ITGAM: variants seen among roughly 807,000 people sequenced by gnomAD.
The protein encoded by ITGAM is integrin subunit alpha M, also known as integrin alpha-M.
A neutral mutation model predicts 137.5 loss-of-function variants in ITGAM; 79 were observed. The ratio of observed to expected loss-of-function variants is 0.57; its 90% CI spans 0.48 to 0.69. The LOEUF is 0.69. Among genes scored for constraint, ITGAM ranks in the 30% least tolerant of loss-of-function variants. ITGAM has a pLI of 0.00. For missense variants in ITGAM, 1,343 were observed against 1,483.5 expected (o/e 0.91, Z 1.56); for synonymous variants, 583 against 592.3 (o/e 0.98, Z 0.23).
chr16:31,298,051 T>A, intron 14 of ITGAM, 97 bp downstream of exon 14: 1 of 1,004,010 alleles, frequency 1.0e-6, no homozygotes, highest in Non-Finnish European at 1.5e-6. Flanking sequence ...GTTCTCACAG[T>A]ACTCCTTTCA....
At chr16:31,328,045 A>G (rs760631203) in intron 22 of ITGAM, 102 bp from the exon 23 acceptor site, 7 of 888,866 alleles carry the variant, frequency 7.9e-6, no homozygotes, top group Non-Finnish European at 1.3e-5. Context: ...CAGAGATAAC[A>G]GAACTTGGTG....
At chr16:31,302,450 TC>T (rs2080212120) in intron 14 of ITGAM, among the ~76,000 whole-genome samples, 2 of 119,484 alleles carry the variant, frequency 1.7e-5, no homozygotes, top group South Asian at 2.6e-4. Flanking sequence ...TTTCTTTCTT[TC>T]TTCCTTCCTT....
chr16:31,265,436 A>G lies in ITGAM; in HGVS notation c.176A>G (p.Gln59Arg). The G allele has an allele frequency of 6.2e-7, 1 of 1,607,410 alleles. No individual in the cohort carries two copies. The highest frequency in any genetic ancestry group is 8.5e-7 in the Non-Finnish European group (1 of 1,177,428). ...GAPQEIVAANQRGSLYQCDYS... is the reference protein window; with the variant it reads ...GAPQEIVAANRRGSLYQCDYS... ...CCCCAGGAGATAGTGGCTGCCAACC[A>G]AAGGGGCAGCCTCTACCAGTGCGAC... Residue 59 changes from glutamine (Q) to arginine (R), a missense_variant, in exon 3 of 30, where the codon CAA (glutamine) becomes CGA (arginine). Gln to Arg is a conservative substitution (Grantham distance 43). Transcript: ENST00000544665.
chr16:31,301,589 C>T (rs1028130162), intron 14 of ITGAM, among the ~76,000 whole-genome samples: 38 of 152,080 alleles, frequency 2.5e-4, no homozygotes, highest in African/African-American at 8.2e-4. Flanking sequence ...CTTATAAAAG[C>T]AAGGCTTATT....
chr16:31,297,769 G>T lies in ITGAM; in HGVS notation c.1522G>T (p.Val508Phe). 1 of 1,600,868 alleles carries T rather than the reference G, an allele frequency of 6.2e-7. No homozygotes were observed. Among genetic ancestry groups the T allele is most frequent in the African/African-American group, 1.3e-5 (1 of 74,246 alleles). The change falls in exon 14 of 30, where the codon GTT (valine) becomes TTT (phenylalanine). Residue 508 changes from valine (V) to phenylalanine (F), a missense_variant. Coordinates refer to ENST00000544665, the MANE Select transcript of ITGAM (RefSeq NM_000632.4). ...GAGGGCTCGGTGGCAGTGTGATGCT[G>T]TTCTCTACGGGGAGCAGGGCCAACC... ...RGRARWQCDA[V>F]LYGEQGQPWG... is the part of the protein sequence containing the mutation.
chr16:31,305,193 T>C (rs917971778), intron 14 of ITGAM, among the ~76,000 whole-genome samples: 3 of 152,160 alleles, frequency 2.0e-5, no homozygotes, highest in African/African-American at 4.8e-5. Context: ...ACTATATTCC[T>C]AGGCATTTTA....
In ITGAM at chr16:31,329,268, G is replaced by A. The variant is rs2080549604; in HGVS notation, c.2833G>A (p.Glu945Lys). Residue 945 changes from glutamate to lysine, a missense_variant, in exon 24 of 30, where the codon GAG (glutamate) becomes AAG (lysine). By Grantham distance (56) the Glu-to-Lys change is moderately conservative. Transcript: ENST00000544665. Reference sequence around the variant, plus strand: ...TAAATATCTCAACTTCACGGCCTCAGAGAATACCAGTCGGGTCATGCAGCA... The same window carrying A: ...TAAATATCTCAACTTCACGGCCTCAAAGAATACCAGTCGGGTCATGCAGCA... Reference protein sequence around the residue: ...STKYLNFTASENTSRVMQHQY... With the variant: ...STKYLNFTASKNTSRVMQHQY... 6.2e-7 allele frequency: 1 copy of A among 1,613,194 alleles called. No homozygotes were observed. Among genetic ancestry groups the A allele is most frequent in the Admixed American group, 1.7e-5 (1 of 59,940 alleles).
At chr16:31,305,369 C>T (rs1239676818) in intron 14 of ITGAM, among the ~76,000 whole-genome samples, 1 of 152,064 alleles carries the variant, frequency 6.6e-6, no homozygotes, top group Non-Finnish European at 1.5e-5. Flanking sequence ...GAGCCTTTAG[C>T]ATTTTCTAGG....
intron 14 of ITGAM, among the ~76,000 whole-genome samples, chr16:31,313,149 C>T (rs577783875): frequency 2.0e-5 from 3 of 151,924 alleles, no homozygotes; most frequent in South Asian, 2.1e-4. Context: ...ACCCAGGAGG[C>T]GGAGGTTGCA....
At chr16:31,308,345 C>A (rs2080287081) in intron 14 of ITGAM, among the ~76,000 whole-genome samples, 1 of 152,108 alleles carries the variant, frequency 6.6e-6, no homozygotes, top group African/African-American at 2.4e-5. Flanking sequence ...TTGGTCTATT[C>A]AGAGATTCAG....
At chr16:31,270,103 A>ATCCTTCCTTCCTTCCTTCCTTCCTTCCT (rs371263313) in intron 5 of ITGAM, among the ~76,000 whole-genome samples, 18 of 140,142 alleles carry the variant, frequency 1.3e-4, no homozygotes, top group African/African-American at 5.0e-4. Context: ...TATCTGGCAA[A>ATCCTTCCTTCCTTCCTTCCTTCCTTCCT]TCCTTCCTTC....
intron 14 of ITGAM, among the ~76,000 whole-genome samples, chr16:31,302,517 T>C (rs2080217662): frequency 6.7e-6 from 1 of 149,674 alleles, no homozygotes; most frequent in African/African-American, 2.5e-5. Flanking sequence ...TTTCTTTTTT[T>C]TCTTTCTCTT....
chr16:31,332,009 G>A lies in ITGAM; in HGVS notation c.*302G>A, dbSNP rs1364413584. The A allele has an allele frequency of 1.9e-5, 8 of 425,538 alleles. No individual in the cohort carries two copies. The highest frequency in any genetic ancestry group is 4.2e-5 in the African/African-American group (2 of 48,028). The allele number at this position is 425,538 out of a possible 1,614,324, so 26.4% of individuals were successfully genotyped here. A position where few individuals can be genotyped will look rare whatever the true frequency, so the allele number is the denominator to read the frequency against. The stretch of plus-strand genomic sequence containing the variant: ...CATGTGTGTGCAAGTGTGTGCATGT[G>A]TGCGAGTGTGTGCATGTGTGTGCTC... On this transcript the variant is annotated 3_prime_UTR_variant, in exon 30 of 30. Transcript: ENST00000544665.
At chr16:31,267,239 G>T (rs765883039) in intron 5 of ITGAM, among the ~76,000 whole-genome samples, 1 of 152,104 alleles carries the variant, frequency 6.6e-6, no homozygotes, top group Non-Finnish European at 1.5e-5. Flanking sequence ...CGATGGCTAT[G>T]CCATCTTTTT....
intron 14 of ITGAM, among the ~76,000 whole-genome samples, chr16:31,318,573 A>G (rs574318200): frequency 1.2e-3 from 190 of 152,238 alleles, no homozygotes; most frequent in Non-Finnish European, 2.0e-3. Context: ...TGAACTCCTC[A>G]TCTCAGGTGA....
At chr16:31,277,081 A>G in intron 11 of ITGAM, 32 bp downstream of exon 11, 1 of 1,581,850 alleles carries the variant, frequency 6.3e-7, no homozygotes, top group East Asian at 2.2e-5. Context: ...TACTCTAAGA[A>G]GGGGTGAGGA....
intron 14 of ITGAM, among the ~76,000 whole-genome samples, chr16:31,311,805 ACAT>A (rs2080335155): frequency 6.6e-6 from 1 of 152,176 alleles, no homozygotes; most frequent in Non-Finnish European, 1.5e-5. Flanking sequence ...AAAGGATTAT[ACAT>A]CATGCTGCTA....
At chr16:31,325,198 T>C (rs7206295) in intron 19 of ITGAM, 65 bp from the exon 20 acceptor site, 1,055,685 of 1,550,862 alleles carry the variant, frequency 0.68, 364,741 homozygotes, top group African/African-American at 0.9. Context: ...TCTGTTCTGC[T>C]GGAGCAGGCT....
chr16:31,262,015 C>T (rs1175001899), intron 2 of ITGAM, among the ~76,000 whole-genome samples: 1 of 152,136 alleles, frequency 6.6e-6, no homozygotes, highest in Non-Finnish European at 1.5e-5. Context: ...TAGTTCCCTT[C>T]CCAGGAGGGA....
Sources: gnomAD v4.1 joint callset for allele counts (sites outside exome capture counted in the v4.1 genomes callset) on GRCh38, gnomAD v4.1.1 for gene constraint, MANE v1.5 for transcripts, NCBI Gene and HGNC (gene_info 2026-07-23, HGNC 2026-07-21) for gene names.